Variants in FSHR observed in about 807,000 individuals in gnomAD.
FSHR encodes the protein follicle stimulating hormone receptor.
Under a neutral mutation model 52.1 loss-of-function variants are expected in FSHR, and 46 were observed. The ratio of observed to expected loss-of-function variants is 0.88; its 90% CI spans 0.70 to 1.13. The LOEUF (loss-of-function observed/expected upper bound fraction) is 1.13. Among genes scored for constraint, FSHR ranks in the 50% most tolerant of loss-of-function variants. FSHR has a pLI of 0.00. For synonymous variants in FSHR, 399 were observed against 309.6 expected (o/e 1.29, Z -3.03); for missense variants, 964 against 834.6 (o/e 1.16, Z -1.91).
intron 1 of FSHR, among the ~76,000 whole-genome samples, chr2:49,120,803 C>G (rs1165353210): frequency 6.6e-6 from 1 of 152,236 alleles, no homozygotes; most frequent in Non-Finnish European, 1.5e-5. Flanking sequence ...ATTTGCTGAC[C>G]TGTAGTAGAT....
chr2:49,065,622 A>G (rs1216379515), intron 2 of FSHR, among the ~76,000 whole-genome samples: 1 of 152,138 alleles, frequency 6.6e-6, no homozygotes, highest in Non-Finnish European at 1.5e-5. Context: ...TCAGATGTAG[A>G]TGTTTAGGCA....
At chr2:48,992,257 G>A (rs989955015) in intron 4 of FSHR, among the ~76,000 whole-genome samples, 11 of 152,174 alleles carry the variant, frequency 7.2e-5, no homozygotes, top group Non-Finnish European at 1.2e-4. Flanking sequence ...ATATAGCTAC[G>A]TAACCACGAG....
rs1352532703 is a variant in FSHR, at chr2:49,154,385, G to T, written c.33C>A (p.Phe11Leu). The change falls in exon 1 of 10, where the codon TTC (phenylalanine) becomes TTA (leucine). Residue 11 changes from phenylalanine (F) to leucine (L), a missense_variant. Physicochemically the swap from Phe to Leu is conservative, Grantham distance 22 (BLOSUM62 0). Transcript: ENST00000406846. MALLLVSLLA[F>L]LSLGSGCHHR... ...GATGACATCCTGAGCCCAAGCTCAGGAATGCCAGCAAAGAGACCAGGAGCA... is the reference window on the plus strand; with the variant it reads ...GATGACATCCTGAGCCCAAGCTCAGTAATGCCAGCAAAGAGACCAGGAGCA... 6.2e-7 allele frequency: 1 copy of T among 1,613,014 alleles called. No homozygotes were observed. The highest frequency in any genetic ancestry group is 1.7e-5 in the Admixed American group (1 of 59,974).
intron 4 of FSHR, among the ~76,000 whole-genome samples, 174 bp from the exon 5 acceptor site, chr2:48,990,811 C>T (rs978880963): frequency 6.6e-6 from 1 of 151,826 alleles, no homozygotes; most frequent in African/African-American, 2.4e-5. Flanking sequence ...GTTCGTTCCA[C>T]GGTCTTAAAA....
At chr2:49,021,633 G>A (rs1667704274) in intron 2 of FSHR, among the ~76,000 whole-genome samples, 1 of 151,840 alleles carries the variant, frequency 6.6e-6, no homozygotes, top group South Asian at 2.1e-4. Flanking sequence ...TGGTGCATCT[G>A]TGACCAGGGG....
intron 2 of FSHR, among the ~76,000 whole-genome samples, chr2:49,021,862 TCTATATATATATATATATATA>T (rs1391999892): frequency 9.9e-5 from 4 of 40,214 alleles, no homozygotes; most frequent in Non-Finnish European, 2.0e-4. Context: ...TCTCTCTCTC[TCTATATATATATATATATATA>T]TATAGAGAGA....
At chr2:49,021,993 G>A (rs933855083) in intron 2 of FSHR, among the ~76,000 whole-genome samples, 1 of 149,424 alleles carries the variant, frequency 6.7e-6, no homozygotes, top group Non-Finnish European at 1.5e-5. Context: ...AGTTCTGAGA[G>A]GTACAGAATT....
chr2:49,018,504 T>G (rs570239566), intron 3 of FSHR, among the ~76,000 whole-genome samples: 1 of 152,234 alleles, frequency 6.6e-6, no homozygotes, highest in Non-Finnish European at 1.5e-5. Context: ...CACCTCTTTA[T>G]GCAAGGAAGA....
At chr2:48,985,426 C>CT (rs397727344) in intron 6 of FSHR, among the ~76,000 whole-genome samples, 1 of 1,500 alleles carries the variant, frequency 6.7e-4, no homozygotes, top group African/African-American at 0.014. Context: ...ACGCATATCA[C>CT]TCATTTTATT....
chr2:49,122,205 C>G (rs1172964139), intron 1 of FSHR, among the ~76,000 whole-genome samples: 3 of 152,140 alleles, frequency 2.0e-5, no homozygotes, highest in Non-Finnish European at 2.9e-5. Flanking sequence ...TTTGTACTTT[C>G]ATGATGGAAA....
chr2:49,069,246 T>C (rs1354871246), intron 1 of FSHR, among the ~76,000 whole-genome samples: 1 of 152,096 alleles, frequency 6.6e-6, no homozygotes, highest in Non-Finnish European at 1.5e-5. Flanking sequence ...TGGTATCCTC[T>C]AAAAATTCCT....
chr2:49,052,651 A>G (rs12105926), intron 2 of FSHR, among the ~76,000 whole-genome samples: 13,011 of 152,220 alleles, frequency 0.085, 1,826 homozygotes, highest in African/African-American at 0.29. Context: ...CCCTCTTCCC[A>G]TTCAGAGATC....
intron 1 of FSHR, among the ~76,000 whole-genome samples, chr2:49,070,114 A>G (rs1669674205): frequency 6.6e-6 from 1 of 152,170 alleles, no homozygotes; most frequent in Non-Finnish European, 1.5e-5. Flanking sequence ...AGGCAATACC[A>G]GAAACCTTGA....
intron 1 of FSHR, among the ~76,000 whole-genome samples, chr2:49,141,784 C>CT (rs34506323): frequency 0.52 from 79,112 of 151,904 alleles, 21,121 homozygotes; most frequent in East Asian, 0.7. Context: ...AGAGTTTAGA[C>CT]TTTACTTTAG....
intron 8 of FSHR, among the ~76,000 whole-genome samples, chr2:48,972,482 C>A (rs1674785419): frequency 6.6e-6 from 1 of 152,154 alleles, no homozygotes; most frequent in African/African-American, 2.4e-5. Flanking sequence ...TTTATACTTC[C>A]CATTGTTTTA....
intron 4 of FSHR, among the ~76,000 whole-genome samples, chr2:49,007,924 A>C (rs1049290017): frequency 7.9e-5 from 12 of 152,070 alleles, no homozygotes; most frequent in Non-Finnish European, 1.0e-4. Flanking sequence ...CAAAGAGATG[A>C]AGTCTCTTGC....
At chr2:49,082,863 G>A (rs1363160156) in intron 1 of FSHR, among the ~76,000 whole-genome samples, 32 of 152,194 alleles carry the variant, frequency 2.1e-4, no homozygotes, top group South Asian at 1.9e-3. Context: ...CCAAATCTAC[G>A]TCTGATTGGT....
intron 1 of FSHR, among the ~76,000 whole-genome samples, chr2:49,113,797 A>G (rs1671508879): frequency 1.3e-5 from 2 of 152,152 alleles, no homozygotes; most frequent in Admixed American, 1.3e-4. Context: ...GCACCCAGGT[A>G]CATAGATCCC....
chr2:48,979,065 C>T (rs1467480721), intron 8 of FSHR, among the ~76,000 whole-genome samples: 1 of 152,112 alleles, frequency 6.6e-6, no homozygotes, highest in Non-Finnish European at 1.5e-5. Flanking sequence ...TCAGAGAGCA[C>T]TCTGGACAAG....
Sources: allele counts gnomAD v4.1 joint callset (sites outside exome capture counted in the v4.1 genomes callset), GRCh38; gene constraint gnomAD v4.1.1; transcripts MANE v1.5; gene names NCBI Gene and HGNC (gene_info 2026-07-23, HGNC 2026-07-21).